Variants in SASH1 observed in about 807,000 individuals in gnomAD.
SASH1 encodes SAM and SH3 domain-containing protein 1.
A neutral mutation model predicts 125.2 loss-of-function variants in SASH1; 44 were observed. That is an observed-to-expected ratio of 0.35 (90% CI 0.28 to 0.45). SASH1 has a LOEUF of 0.45. SASH1 is among the 20% of genes least tolerant of loss of function. SASH1 has a pLI of 1.00. For missense variants in SASH1, 1,426 were observed against 1,614.5 expected (o/e 0.88, Z 2.00); for synonymous variants, 639 against 649.1 (o/e 0.98, Z 0.24).
chr6:148,277,871 C>T (rs1276473595), intron 1 of SASH1, among the ~76,000 whole-genome samples: 1 of 151,860 alleles, frequency 6.6e-6, no homozygotes, highest in Non-Finnish European at 1.5e-5. Flanking sequence ...CGCGCGCCAC[C>T]AAGCCCAGCT....
upstream of SASH1, chr6:148,342,557 C>G (rs1192901891): frequency 1.3e-5 from 2 of 152,124 alleles, no homozygotes; most frequent in East Asian, 3.9e-4. Context: ...TTTCTTTAGC[C>G]TCGAGGGAGA....
At chr6:148,402,150 G>A (rs754448321) in intron 2 of SASH1, among the ~76,000 whole-genome samples, 1 of 152,118 alleles carries the variant, frequency 6.6e-6, no homozygotes, top group Non-Finnish European at 1.5e-5. Context: ...AAGCTATTCT[G>A]CATCATTGAT....
intron 13 of SASH1, 82 bp downstream of exon 13, chr6:148,531,743 A>C: frequency 8.5e-7 from 1 of 1,177,310 alleles, no homozygotes; most frequent in Non-Finnish European, 1.1e-6. Context: ...AGGCAATTTC[A>C]AGGTGAATAA....
intron 8 of SASH1, among the ~76,000 whole-genome samples, chr6:148,488,506 C>T (rs921039300): frequency 6.6e-6 from 1 of 152,192 alleles, no homozygotes; most frequent in African/African-American, 2.4e-5. Flanking sequence ...ACATACCTAG[C>T]ACATACCTAG....
In SASH1 at chr6:148,533,681, C is replaced by T. The variant is rs1021901170; in HGVS notation, c.1735-90C>T. The T allele has an allele frequency of 5.5e-6, 7 of 1,265,312 alleles. No homozygotes were observed. The Admixed American group carries it at 1.1e-4, about 20-fold the overall frequency. The allele number at this position is 1,265,312 out of a possible 1,614,324, so 78.4% of individuals were successfully genotyped here. On this transcript the variant is annotated intron_variant, in intron 14 of 19. Coordinates refer to ENST00000367467, the MANE Select transcript of SASH1 (RefSeq NM_015278.5). This position sits in a 1 kb window ranked among gnomAD's most constrained non-coding sequence, Gnocchi z 6.2. ...GATTCTGGCCTTTGTGGCATCTTCA[C>T]TTCTGCATGACCTGTGTATCTGACA... is the stretch of plus-strand genomic sequence containing the variant.
intron 1 of SASH1, among the ~76,000 whole-genome samples, chr6:148,375,751 A>G (rs1426934257): frequency 1.3e-5 from 2 of 152,226 alleles, no homozygotes; most frequent in Admixed American, 6.5e-5. Flanking sequence ...CGGAACAAGA[A>G]AAGTTCCTTT....
At chr6:148,223,399 C>A in the SASH1 span, among the ~76,000 whole-genome samples, 2 of 152,220 alleles carry the variant, frequency 1.3e-5, no homozygotes, top group Non-Finnish European at 2.9e-5. Context: ...AATCAAGTCA[C>A]TGCTTTGTCT....
intron 1 of SASH1, among the ~76,000 whole-genome samples, chr6:148,346,096 T>G (rs1036053883): frequency 5.3e-5 from 8 of 152,210 alleles, no homozygotes; most frequent in African/African-American, 1.9e-4. Flanking sequence ...CCACACAGCT[T>G]ATCAATACTG....
intron 1 of SASH1, among the ~76,000 whole-genome samples, chr6:148,370,763 C>T (rs1032520467): frequency 1.3e-5 from 2 of 151,548 alleles, no homozygotes; most frequent in Non-Finnish European, 2.9e-5. Flanking sequence ...GCGGAGCTTG[C>T]AGTGAGCCGA....
the SASH1 span, among the ~76,000 whole-genome samples, chr6:148,246,739 A>T: frequency 2.0e-5 from 3 of 152,258 alleles, no homozygotes; most frequent in Admixed American, 1.3e-4. Context: ...AGCCTCCAAA[A>T]TATTATGAAT....
chr6:148,547,535 A>G (rs1782642446), intron 19 of SASH1, among the ~76,000 whole-genome samples: 1 of 152,234 alleles, frequency 6.6e-6, no homozygotes, highest in African/African-American at 2.4e-5. Context: ...GTACTCTAGT[A>G]GTGAGTCTCA....
Position 148,440,165 on chromosome 6 carries a change from G to C in SASH1, c.286-19G>C. 6.2e-7 allele frequency: 1 copy of C among 1,613,128 alleles called. No homozygotes were observed. Among genetic ancestry groups the C allele is most frequent in the Non-Finnish European group, 8.5e-7 (1 of 1,179,276 alleles). The stretch of plus-strand genomic sequence containing the variant: ...ACATGTTTGGAAGTCCCGTTAAACT[G>C]GCATCTGTTCTGTTTTAGGAGAAAC... On this transcript the variant is annotated intron_variant, in intron 2 of 19. Coordinates refer to ENST00000367467, the MANE Select transcript of SASH1 (RefSeq NM_015278.5).
At chr6:148,537,196 AG>A (rs1781899050) in intron 16 of SASH1, among the ~76,000 whole-genome samples, 1 of 152,226 alleles carries the variant, frequency 6.6e-6, no homozygotes, top group Admixed American at 6.5e-5. Context: ...GGATCTTGAA[AG>A]GTTTCTAGCT....
intron 1 of SASH1, among the ~76,000 whole-genome samples, chr6:148,276,166 T>C (rs1292340894): frequency 6.6e-6 from 1 of 152,236 alleles, no homozygotes; most frequent in Non-Finnish European, 1.5e-5. Flanking sequence ...TTTTTGCTTT[T>C]CTTCATTTGT....
Position 148,543,915 on chromosome 6 carries a change from A to G in SASH1, c.2445A>G (p.Pro815=). The G allele has an allele frequency of 6.2e-7, 1 of 1,614,194 alleles. No homozygotes were observed. Among genetic ancestry groups the G allele is most frequent in the Middle Eastern group, 1.6e-4 (1 of 6,062 alleles). The part of the protein sequence containing the change: ...TGLNKNRRSL[P]VSICRSCETL... ...TGAATAAAAACCGAAGAAGCCTCCCAGTTTCCATCTGCCGGAGCTGTGAGA... is the reference window on the plus strand; with the variant it reads ...TGAATAAAAACCGAAGAAGCCTCCCGGTTTCCATCTGCCGGAGCTGTGAGA... The change falls in exon 18 of 20, where the codon CCA becomes CCG. Residue 815 remains proline (P), a synonymous_variant. Transcript: ENST00000367467.
chr6:148,482,570 A>G lies in SASH1; in HGVS notation c.628-5044A>G, dbSNP rs117813986. Among the ~76,000 whole-genome samples the G allele has an allele frequency of 6.0e-3, 913 of 151,414 alleles. 42 individuals carry two copies. The East Asian group carries it at 0.1, about 17-fold the overall frequency. On this transcript the variant is annotated intron_variant, in intron 7 of 19. Coordinates refer to ENST00000367467, the MANE Select transcript of SASH1 (RefSeq NM_015278.5). ...AGGATCTTGCTCTGTAGCCCATGCT[A>G]GAGTGCAGTGGCGTGATAATGGTTC...
chr6:148,313,638 C>T (rs1780395800), intron 1 of SASH1, among the ~76,000 whole-genome samples: 2 of 152,078 alleles, frequency 1.3e-5, no homozygotes, highest in East Asian at 3.9e-4. Context: ...CAACAGGTGG[C>T]ACGAGCTCGA....
intron 1 of SASH1, among the ~76,000 whole-genome samples, chr6:148,384,152 T>C (rs1783264985): frequency 6.6e-6 from 1 of 152,204 alleles, no homozygotes; most frequent in African/African-American, 2.4e-5. Flanking sequence ...TTTCCTGTTT[T>C]CAAAGACAGG....
chr6:148,389,640 A>G (rs958897032), intron 1 of SASH1, among the ~76,000 whole-genome samples: 2 of 152,202 alleles, frequency 1.3e-5, no homozygotes, highest in African/African-American at 4.8e-5. Flanking sequence ...GGCTCCCATC[A>G]GAATCCCTGG....
Sources: gnomAD v4.1 joint callset for allele counts (sites outside exome capture counted in the v4.1 genomes callset) on GRCh38, gnomAD v4.1.1 for gene constraint, Gnocchi (gnomAD v3.1) non-coding constraint, MANE v1.5 for transcripts, NCBI Gene and HGNC (gene_info 2026-07-23, HGNC 2026-07-21) for gene names.